The following QRICH1 variants were observed in gnomAD, a reference collection of about 807,000 sequenced individuals.
QRICH1 encodes transcriptional regulator QRICH1.
QRICH1 carries 16 observed loss-of-function variants against 87.1 expected under a neutral mutation model. The observed-to-expected ratio is 0.18, with a 90% CI of 0.12 to 0.28. The LOEUF is 0.28. Ranked by LOEUF, QRICH1 falls within the 10% of genes least tolerant of loss-of-function variation. The pLI, the probability that QRICH1 is intolerant of heterozygous loss-of-function variation, is 1.00. For synonymous variants in QRICH1, 367 were observed against 368.4 expected, an observed-to-expected ratio of 1.00 and a Z score of 0.05; for missense variants, 647 against 951.7, an observed-to-expected ratio of 0.68 and a Z score of 4.21.
Position 49,030,353 on chromosome 3 carries a change from A to C in QRICH1, c.*99T>G. 8.4e-7 allele frequency: 1 copy of C among 1,188,374 alleles called. No homozygotes were observed. The highest frequency in any genetic ancestry group is 1.2e-6 in the Non-Finnish European group (1 of 850,320). 73.6% of individuals were successfully genotyped at this position (1,188,374 alleles called of 1,614,324 possible). On this transcript the variant is annotated 3_prime_UTR_variant, in exon 10 of 10. Coordinates refer to ENST00000395443, the MANE Select transcript of QRICH1 (RefSeq NM_198880.3). ...GCCTGAAAGGCTTCGTAACTACACC[A>C]ATAAAAAAAAGAAAAAAAAAAATGG...
chr3:49,074,082 G>A (rs940912289), intron 2 of QRICH1, among the ~76,000 whole-genome samples: 18 of 152,052 alleles, frequency 1.2e-4, no homozygotes, highest in Non-Finnish European at 2.4e-4. Context: ...GCACTTAGCC[G>A]TTTTGTGGTT....
chr3:49,037,732 C>CA (rs1335399505), intron 6 of QRICH1, among the ~76,000 whole-genome samples: 321 of 130,334 alleles, frequency 2.5e-3, no homozygotes, highest in Middle Eastern at 0.016. Context: ...ACTCTGTATC[C>CA]AAAAAAAAAA....
At chr3:49,030,863 C>T (rs1575316378) in intron 9 of QRICH1, among the ~76,000 whole-genome samples, 2 of 152,172 alleles carry the variant, frequency 1.3e-5, no homozygotes, top group Non-Finnish European at 2.9e-5. Context: ...GCCCCTCCTT[C>T]CCACAAACCA....
At chr3:49,040,248 G>C (rs1337101763) in intron 6 of QRICH1, among the ~76,000 whole-genome samples, 1 of 152,206 alleles carries the variant, frequency 6.6e-6, no homozygotes, top group Non-Finnish European at 1.5e-5. Flanking sequence ...TCATGTCTCT[G>C]TTCCAACAAT....
chr3:49,056,466 T>C (rs2093403081), intron 3 of QRICH1, among the ~76,000 whole-genome samples: 1 of 152,232 alleles, frequency 6.6e-6, no homozygotes, highest in Non-Finnish European at 1.5e-5. Context: ...TTGTAATCTA[T>C]GTGATAAACT....
chr3:49,057,053 G>A lies in QRICH1; in HGVS notation c.1147C>T (p.Leu383Phe), dbSNP rs771279488. The change falls in exon 3 of 10, where the codon CTC (leucine) becomes TTC (phenylalanine). Residue 383 changes from leucine (L) to phenylalanine (F), a missense_variant. By Grantham distance (22) the Leu-to-Phe change is conservative. This residue lies in a region of QRICH1 where 115 missense variants were observed against 126.8 expected (regional missense o/e 0.91). Transcript: ENST00000395443. The surrounding 1 kb of genome is among the most constrained non-coding windows in gnomAD (Gnocchi z 5.4). ...EEVVQTLANSLFPAQFMNGNI... is the reference protein window; with the variant it reads ...EEVVQTLANSFFPAQFMNGNI... ...CCATTCATGAACTGTGCTGGAAAGA[G>A]AGAGTTTGCAAGGGTCTGCACTACC... 4 of 1,614,230 alleles carry A rather than the reference G, an allele frequency of 2.5e-6. No homozygotes were observed. The highest frequency in any genetic ancestry group is 3.4e-6 in the Non-Finnish European group (4 of 1,180,038).
At chr3:49,055,647 G>C (rs1475596043) in intron 3 of QRICH1, among the ~76,000 whole-genome samples, 1 of 152,138 alleles carries the variant, frequency 6.6e-6, no homozygotes, top group Non-Finnish European at 1.5e-5. Context: ...ACAGGCAACT[G>C]CCACTGCACC....
intron 1 of QRICH1, among the ~76,000 whole-genome samples, chr3:49,084,891 G>A (rs559664699): frequency 5.6e-4 from 85 of 152,222 alleles, no homozygotes; most frequent in Non-Finnish European, 1.1e-3. Flanking sequence ...GCTCACGCCT[G>A]TAATCCCAGC....
At chr3:49,076,368 G>C (rs959584192) in intron 2 of QRICH1, among the ~76,000 whole-genome samples, 3 of 152,138 alleles carry the variant, frequency 2.0e-5, no homozygotes, top group African/African-American at 7.2e-5. Flanking sequence ...GGTGCTGCCA[G>C]AAAGGTGGCG....
chr3:49,067,394 C>T (rs1397778972), intron 2 of QRICH1, among the ~76,000 whole-genome samples: 1 of 149,738 alleles, frequency 6.7e-6, no homozygotes, highest in African/African-American at 2.4e-5. Flanking sequence ...GGTGAAACCC[C>T]GTCTCTACTA....
At chr3:49,065,037 A>T (rs1469844114) in intron 2 of QRICH1, among the ~76,000 whole-genome samples, 1 of 152,180 alleles carries the variant, frequency 6.6e-6, no homozygotes, top group Non-Finnish European at 1.5e-5. Flanking sequence ...ACAAAAATAA[A>T]GCCATTATAT....
At chr3:49,088,499 T>C (rs1207666707) in intron 1 of QRICH1, among the ~76,000 whole-genome samples, 1 of 150,950 alleles carries the variant, frequency 6.6e-6, no homozygotes, top group African/African-American at 2.4e-5. Flanking sequence ...GGTTTCACCA[T>C]ATTGGCCAGG....
At chr3:49,091,141 T>G (rs560171179) in intron 1 of QRICH1, among the ~76,000 whole-genome samples, 2 of 152,292 alleles carry the variant, frequency 1.3e-5, no homozygotes, top group South Asian at 4.1e-4. Flanking sequence ...GAGAATGGCG[T>G]GAACCCAGGA....
intron 2 of QRICH1, among the ~76,000 whole-genome samples, chr3:49,075,360 G>A (rs1056272043): frequency 6.6e-6 from 1 of 150,732 alleles, no homozygotes; most frequent in Non-Finnish European, 1.5e-5. Flanking sequence ...GTCAGGCGCC[G>A]TGGCTCATGC....
At chr3:49,035,008 A>C (rs935033742) in intron 6 of QRICH1, among the ~76,000 whole-genome samples, 1 of 152,180 alleles carries the variant, frequency 6.6e-6, no homozygotes, top group African/African-American at 2.4e-5. Flanking sequence ...CTAATAGTGC[A>C]TTTCCATCTC....
At chr3:49,046,615 G>A (rs1222702114) in intron 4 of QRICH1, 36 bp from the exon 5 acceptor site, 14 of 1,605,784 alleles carry the variant, frequency 8.7e-6, no homozygotes, top group Non-Finnish European at 1.1e-5. Context: ...TGAAGGTCCT[G>A]GGGGTCCATA....
chr3:49,054,010 C>T (rs544652889), intron 3 of QRICH1, among the ~76,000 whole-genome samples: 55 of 152,092 alleles, frequency 3.6e-4, no homozygotes, highest in Non-Finnish European at 7.2e-4. Context: ...ACAAACTCAT[C>T]TTTCCCTTGG....
intron 6 of QRICH1, among the ~76,000 whole-genome samples, chr3:49,041,745 C>G (rs1258089530): frequency 6.6e-6 from 1 of 151,988 alleles, no homozygotes; most frequent in Non-Finnish European, 1.5e-5. Context: ...ATTCTCCTGC[C>G]TCAGCTTCCC....
intron 2 of QRICH1, among the ~76,000 whole-genome samples, chr3:49,069,083 T>TTTATTA (rs201912574): frequency 1.4e-5 from 2 of 139,406 alleles, no homozygotes; most frequent in African/African-American, 2.6e-5. Flanking sequence ...AAGTAGAAAA[T>TTTATTA]TTATTATTAT....
Sources: gnomAD v4.1 joint callset for allele counts (sites outside exome capture counted in the v4.1 genomes callset) on GRCh38, gnomAD v4.1.1 for gene constraint, gnomAD v4.1.1 regional missense constraint, Gnocchi (gnomAD v3.1) non-coding constraint, MANE v1.5 for transcripts, NCBI Gene and HGNC (gene_info 2026-07-23, HGNC 2026-07-21) for gene names.